The following NKAIN2 variants were observed in gnomAD, a reference collection of about 807,000 sequenced individuals.
NKAIN2 encodes sodium/potassium-transporting ATPase subunit beta-1-interacting protein 2.
A neutral mutation model predicts 32.6 loss-of-function variants in NKAIN2; 14 were observed. That is an observed-to-expected ratio of 0.43 (90% CI 0.28 to 0.67). NKAIN2 has a LOEUF of 0.67. Ranked by LOEUF, NKAIN2 falls within the 30% of genes least tolerant of loss-of-function variation. The pLI is 0.17. For synonymous variants in NKAIN2, 80 were observed against 87.2 expected, an observed-to-expected ratio of 0.92 and a Z score of 0.46; for missense variants, 198 against 258.3, an observed-to-expected ratio of 0.77 and a Z score of 1.60.
chr6:124,126,910 C>G (rs1786197351), intron 1 of NKAIN2, among the ~76,000 whole-genome samples: 1 of 152,124 alleles, frequency 6.6e-6, no homozygotes, highest in Admixed American at 6.5e-5. Context: ...AGCCATGCCA[C>G]TGCACTCCAG....
intron 1 of NKAIN2, among the ~76,000 whole-genome samples, chr6:124,279,113 A>G (rs1453999545): frequency 2.0e-5 from 3 of 152,116 alleles, no homozygotes; most frequent in Non-Finnish European, 4.4e-5. Flanking sequence ...ATCTACATAC[A>G]ATATTTTACT....
chr6:123,895,878 T>C (rs1383899732), intron 1 of NKAIN2, among the ~76,000 whole-genome samples: 1 of 148,710 alleles, frequency 6.7e-6, no homozygotes, highest in Non-Finnish European at 1.5e-5. Context: ...TTCGTTCGTC[T>C]CCCTTATATG....
intron 1 of NKAIN2, among the ~76,000 whole-genome samples, chr6:124,225,718 A>G (rs1792071409): frequency 6.6e-6 from 1 of 152,076 alleles, no homozygotes. Context: ...TATGTATAAT[A>G]TACCTATAAA....
At chr6:124,669,782 C>A (rs1164422279) in intron 4 of NKAIN2, among the ~76,000 whole-genome samples, 1 of 151,836 alleles carries the variant, frequency 6.6e-6, no homozygotes, top group Non-Finnish European at 1.5e-5. Flanking sequence ...ATTCTCTCCA[C>A]CTCCGTTTCT....
chr6:124,410,144 G>T (rs1193371569), intron 3 of NKAIN2, among the ~76,000 whole-genome samples: 1 of 152,006 alleles, frequency 6.6e-6, no homozygotes, highest in Non-Finnish European at 1.5e-5. Context: ...CAAAAAACCA[G>T]CTCCTGGATT....
chr6:124,805,604 C>G (rs578186976), intron 5 of NKAIN2, among the ~76,000 whole-genome samples: 2 of 152,286 alleles, frequency 1.3e-5, no homozygotes, highest in African/African-American at 2.4e-5. Context: ...TCCAAAGGAT[C>G]GCAGTTCCTC....
At chr6:124,124,684 C>T (rs773504122) in intron 1 of NKAIN2, among the ~76,000 whole-genome samples, 2 of 152,016 alleles carry the variant, frequency 1.3e-5, no homozygotes, top group Non-Finnish European at 2.9e-5. Context: ...TTACGCCTGT[C>T]TTTGTATTGT....
intron 1 of NKAIN2, among the ~76,000 whole-genome samples, chr6:124,164,148 A>G (rs1010687258): frequency 2.0e-5 from 3 of 152,120 alleles, no homozygotes; most frequent in Non-Finnish European, 2.9e-5. Context: ...ACAAGATTTT[A>G]GCAAATATTT....
chr6:123,937,232 A>G (rs924314741), intron 1 of NKAIN2, among the ~76,000 whole-genome samples: 1 of 152,126 alleles, frequency 6.6e-6, no homozygotes, highest in Non-Finnish European at 1.5e-5. Flanking sequence ...TCTACTCTGG[A>G]AAGTTAAAAC....
chr6:123,870,128 G>A (rs1041575295), intron 1 of NKAIN2, among the ~76,000 whole-genome samples: 1 of 151,952 alleles, frequency 6.6e-6, no homozygotes, highest in Non-Finnish European at 1.5e-5. Context: ...GAGCACTGGG[G>A]GTATAACAGG....
At chr6:124,233,359 C>T (rs941269490) in intron 1 of NKAIN2, among the ~76,000 whole-genome samples, 1 of 152,138 alleles carries the variant, frequency 6.6e-6, no homozygotes, top group Non-Finnish European at 1.5e-5. Context: ...CATTGCTTGC[C>T]CCTTTAGCAA....
chr6:124,159,887 C>T (rs1788186148), intron 1 of NKAIN2, among the ~76,000 whole-genome samples: 1 of 152,152 alleles, frequency 6.6e-6, no homozygotes, highest in African/African-American at 2.4e-5. Flanking sequence ...GAGCTGCAAA[C>T]TAAATGAAGG....
chr6:124,787,183 G>C (rs570898568), intron 4 of NKAIN2, among the ~76,000 whole-genome samples: 4 of 152,056 alleles, frequency 2.6e-5, no homozygotes, highest in Non-Finnish European at 5.9e-5. Context: ...GTGTCCATTA[G>C]TTGTTTTTCC....
At chr6:124,252,648 A>C (rs954441941) in intron 1 of NKAIN2, among the ~76,000 whole-genome samples, 1 of 152,158 alleles carries the variant, frequency 6.6e-6, no homozygotes, top group African/African-American at 2.4e-5. Flanking sequence ...ATTAGACATT[A>C]GTTAAAGTAT....
chr6:124,667,760 A>G (rs1319290101), intron 4 of NKAIN2, among the ~76,000 whole-genome samples: 2 of 152,192 alleles, frequency 1.3e-5, no homozygotes, highest in Admixed American at 6.6e-5. Context: ...GATGACAGCT[A>G]TAAGATGAGG....
chr6:123,970,444 C>T (rs9375300), intron 1 of NKAIN2, among the ~76,000 whole-genome samples: 3,919 of 152,178 alleles, frequency 0.026, 100 homozygotes, highest in East Asian at 0.14. Flanking sequence ...ACATAATTTA[C>T]CACGGGAAAT....
chr6:123,818,858 AAAAC>A (rs573031376), intron 1 of NKAIN2, among the ~76,000 whole-genome samples: 7 of 152,206 alleles, frequency 4.6e-5, no homozygotes, highest in South Asian at 2.1e-4. Context: ...TAATAGAGGC[AAAAC>A]AAACAAACAA....
At chr6:124,508,758 C>T (rs527640257) in intron 3 of NKAIN2, among the ~76,000 whole-genome samples, 7 of 152,108 alleles carry the variant, frequency 4.6e-5, no homozygotes, top group Admixed American at 1.3e-4. Flanking sequence ...TTGGAAGAGC[C>T]GTATTCCTGC....
At chr6:123,887,170 G>A (rs1185435729) in intron 1 of NKAIN2, among the ~76,000 whole-genome samples, 2 of 140,816 alleles carry the variant, frequency 1.4e-5, no homozygotes, top group Admixed American at 1.5e-4. Context: ...ACTATTTTAT[G>A]TCCCTAGTGG....
Sources: allele counts gnomAD v4.1 joint callset (sites outside exome capture counted in the v4.1 genomes callset), GRCh38; gene constraint gnomAD v4.1.1; transcripts MANE v1.5; gene names NCBI Gene and HGNC (gene_info 2026-07-23, HGNC 2026-07-21).